Variants in JMJD7 observed in about 807,000 individuals in gnomAD.
The protein encoded by JMJD7 is jumonji domain containing 7.
In JMJD7, 41 loss-of-function variants were observed where a neutral mutation model predicts 41.1. The ratio of observed to expected loss-of-function variants is 1.00; its 90% CI spans 0.78 to 1.30. JMJD7 has a LOEUF of 1.30. Among genes scored for constraint, JMJD7 ranks in the 50% most tolerant of loss-of-function variants. The probability of loss-of-function intolerance (pLI) is 0.00; values close to 1 mark genes in which losing one functional copy is unlikely to be tolerated. For missense variants in JMJD7, 480 were observed against 420.7 expected, an observed-to-expected ratio of 1.14 and a Z score of -1.23; for synonymous variants, 202 against 177.2, an observed-to-expected ratio of 1.14 and a Z score of -1.11.
At chr15:41,832,458 C>T (rs536638764) in intron 1 of JMJD7, 121 of 154,350 alleles carry the variant, frequency 7.8e-4, no homozygotes, top group Middle Eastern at 3.2e-3. Context: ...GTCTCTTAAT[C>T]TCAGCGAGTA....
Position 41,836,812 on chromosome 15 carries a change from C to G in JMJD7, c.734C>G (p.Pro245Arg). The G allele has an allele frequency of 1.2e-6, 2 of 1,611,850 alleles. No individual in the cohort carries two copies. The highest frequency in any genetic ancestry group is 1.7e-6 in the Non-Finnish European group (2 of 1,179,272). The change falls in exon 7 of 8, where the codon CCA (proline) becomes CGA (arginine). Residue 245 changes from proline to arginine, a missense_variant. Transcript: ENST00000397299. ...VPWIPLDPLAPDLARYPSYSQ... is the reference protein window; with the variant it reads ...VPWIPLDPLARDLARYPSYSQ... Reference sequence around the variant, plus strand: ...TGGATCCCACTGGACCCCTTGGCGCCAGACCTAGCACGGTACCCTAGTTAC... The same window carrying G: ...TGGATCCCACTGGACCCCTTGGCGCGAGACCTAGCACGGTACCCTAGTTAC...
At position 41,835,065 on chromosome 15, in the gene JMJD7, G is replaced by A. The variant is rs768058716; in HGVS notation, c.314G>A (p.Arg105His). ...GATCGCTTCATGATGCCAGCTGAGC[G>A]CCGCCTGCCCCTGAGCTTCGTGCTG... ...RGDRFMMPAE[R>H]RLPLSFVLDV... The change falls in exon 3 of 8, where the codon CGC (arginine) becomes CAC (histidine). Residue 105 changes from arginine to histidine, a missense_variant. Transcript: ENST00000397299. 14 of 1,613,644 alleles carry A rather than the reference G, an allele frequency of 8.7e-6. No individual in the cohort carries two copies. The highest frequency in any genetic ancestry group is 1.6e-4 in the Middle Eastern group (1 of 6,084).
intron 1 of JMJD7, among the ~76,000 whole-genome samples, chr15:41,830,121 C>T (rs1172694881): frequency 1.3e-5 from 2 of 152,164 alleles, no homozygotes; most frequent in Non-Finnish European, 2.9e-5. Flanking sequence ...TGCACCACCC[C>T]CACCCTCACA....
intron 3 of JMJD7, 77 bp downstream of exon 3, chr15:41,835,300 G>A: frequency 4.6e-6 from 7 of 1,521,896 alleles, no homozygotes; most frequent in Non-Finnish European, 6.1e-6. Context: ...TTTGCCCTTA[G>A]GTGATGACCT....
chr15:41,831,892 A>G (rs1214338977), intron 1 of JMJD7, among the ~76,000 whole-genome samples: 2 of 152,194 alleles, frequency 1.3e-5, no homozygotes, highest in Non-Finnish European at 2.9e-5. Context: ...GGACTGAACC[A>G]TGCGTCTTGC....
intron 1 of JMJD7, among the ~76,000 whole-genome samples, chr15:41,831,004 G>A (rs140557559): frequency 8.0e-4 from 122 of 152,346 alleles, no homozygotes; most frequent in African/African-American, 2.8e-3. Context: ...GGTGAAGCCC[G>A]ACCTTCAAGC....
At position 41,837,097 on chromosome 15, in the gene JMJD7, C is replaced by G; in HGVS notation, c.892C>G (p.Leu298Val). Residue 298 changes from leucine (L) to valine (V), a missense_variant, in exon 8 of 8, where the codon CTC becomes GTC. Coordinates refer to ENST00000397299, the MANE Select transcript of JMJD7 (RefSeq NM_001114632.2). The stretch of plus-strand genomic sequence containing the variant: ...TTTCTGGTATGACATGGAATACGAC[C>G]TCAAGTATAGTTACTTCCAGCTGCT... The part of the protein sequence containing the change: ...VNFWYDMEYD[L>V]KYSYFQLLDS... The G allele has an allele frequency of 3.1e-6, 5 of 1,613,690 alleles. No homozygotes were observed. Among genetic ancestry groups the G allele is most frequent in the Non-Finnish European group, 4.2e-6 (5 of 1,179,674 alleles).
At position 41,837,188 on chromosome 15, in the gene JMJD7, TCG is replaced by T; in HGVS notation, c.*33_*34del. The T allele has an allele frequency of 6.7e-7, 1 of 1,500,674 alleles. No individual in the cohort carries two copies. Among genetic ancestry groups the T allele is most frequent in the East Asian group, 2.3e-5 (1 of 43,390 alleles). The allele number at this position is 1,500,674 out of a possible 1,614,324, so 93.0% of individuals were successfully genotyped here. A position where few individuals can be genotyped will look rare whatever the true frequency, so the allele number is the denominator to read the frequency against. On this transcript the variant is annotated 3_prime_UTR_variant, in exon 8 of 8. Coordinates refer to ENST00000397299, the MANE Select transcript of JMJD7 (RefSeq NM_001114632.2). The stretch of plus-strand genomic sequence containing the variant: ...ACTGGTGAACACCACCAAGCACGCC[TCG>T]GGGGACGGAGCCAGCCCCTCCCTGG...
chr15:41,835,905 A>G (rs1270294690), intron 4 of JMJD7: 1 of 563,228 alleles, frequency 1.8e-6, no homozygotes, highest in Non-Finnish European at 3.0e-6. Context: ...GCCAGGGGGT[A>G]AGTGTAGGAG....
chr15:41,834,190 C>T lies in JMJD7; in HGVS notation c.65-550C>T, dbSNP rs113175931. 4.7e-3 allele frequency among the ~76,000 whole-genome samples: 709 copies of T among 152,274 alleles called. 8 individuals carry two copies. Among genetic ancestry groups the T allele is most frequent in the African/African-American group, 0.016 (671 of 41,550 alleles). ...GGTGTCATCTGGTAGTTTGTCTTCC[C>T]GGGTAAGAAGGTTGTAAATTTCTTA... On this transcript the variant is annotated intron_variant, in intron 1 of 7. Transcript: ENST00000397299.
chr15:41,836,503 A>G lies in JMJD7; in HGVS notation c.654A>G (p.Leu218=). Reference sequence around the variant, plus strand: ...TGTACACGCCGGCAACCTACCAGCTAACTGAAGAGGGCACCTTTAAGGTGG... The same window carrying G: ...TGTACACGCCGGCAACCTACCAGCTGACTGAAGAGGGCACCTTTAAGGTGG... ...YELYTPATYQ[L]TEEGTFKVVD... The change falls in exon 6 of 8, where the codon CTA becomes CTG. Residue 218 remains leucine, a synonymous_variant. Coordinates refer to ENST00000397299, the MANE Select transcript of JMJD7 (RefSeq NM_001114632.2). 6.3e-7 allele frequency: 1 copy of G among 1,592,760 alleles called. No homozygotes were observed. Among genetic ancestry groups the G allele is most frequent in the Non-Finnish European group, 8.6e-7 (1 of 1,169,208 alleles).
intron 3 of JMJD7, 84 bp from the exon 4 acceptor site, chr15:41,835,504 C>G (rs1454302530): frequency 1.3e-6 from 2 of 1,549,518 alleles, no homozygotes. Flanking sequence ...TCTGTGCTCA[C>G]CCAGGTTTTG....
At position 41,837,148 on chromosome 15, in the gene JMJD7, C is replaced by G. The variant is rs781718691; in HGVS notation, c.943C>G (p.Leu315Val). Residue 315 changes from leucine (L) to valine (V), a missense_variant, in exon 8 of 8, where the codon CTT (leucine) becomes GTT (valine). By Grantham distance (32) the Leu-to-Val change is conservative. Transcript: ENST00000397299. The part of the protein sequence containing the change: ...LLDSLTKASG[L>V]D ...CGACTCCCTCACCAAGGCTTCAGGC[C>G]TTGACTGATGGAGCACTGGTGAACA... is the stretch of plus-strand genomic sequence containing the variant. 6.2e-7 allele frequency: 1 copy of G among 1,609,992 alleles called. No homozygotes were observed. The highest frequency in any genetic ancestry group is 2.2e-5 in the East Asian group (1 of 44,800).
At position 41,836,156 on chromosome 15, in the gene JMJD7, GACC is replaced by G; in HGVS notation, c.541_543del (p.His181del). The G allele has an allele frequency of 1.2e-6, 2 of 1,603,008 alleles. No homozygotes were observed. The highest frequency in any genetic ancestry group is 1.7e-6 in the Non-Finnish European group (2 of 1,174,346). ...CTTCTTTCTGTTGGCAGTGCACAAGGACCACTATGAGAACCTCTACTGCGTGGT... is the reference window on the plus strand; with the variant it reads ...CTTCTTTCTGTTGGCAGTGCACAAGGACTATGAGAACCTCTACTGCGTGGT... On this transcript the variant is annotated inframe_deletion, in exon 5 of 8. Coordinates refer to ENST00000397299, the MANE Select transcript of JMJD7 (RefSeq NM_001114632.2).
chr15:41,836,746 G>T (rs767760496), intron 6 of JMJD7, 35 bp from the exon 7 acceptor site: 4 of 1,569,304 alleles, frequency 2.5e-6, no homozygotes, highest in South Asian at 1.2e-5. Context: ...TGGGGGGTCT[G>T]GGGGGCTGCT....
intron 3 of JMJD7, 123 bp from the exon 4 acceptor site, chr15:41,835,465 C>T: frequency 6.9e-7 from 1 of 1,438,960 alleles, no homozygotes; most frequent in Non-Finnish European, 9.4e-7. Flanking sequence ...ACCTCTGCCT[C>T]TTCTCCCTGA....
intron 5 of JMJD7, 115 bp from the exon 6 acceptor site, chr15:41,836,360 T>C (rs953913837): frequency 1.9e-6 from 3 of 1,553,380 alleles, no homozygotes; most frequent in South Asian, 2.3e-5. Flanking sequence ...GCATCCCCAG[T>C]GCACCAGGGC....
chr15:41,831,282 A>G (rs1477790405), intron 1 of JMJD7, among the ~76,000 whole-genome samples: 1 of 152,134 alleles, frequency 6.6e-6, no homozygotes, highest in Non-Finnish European at 1.5e-5. Flanking sequence ...CTAGCCAGGG[A>G]AGCAAGCAGG....
At chr15:41,833,302 G>GCATCAGTGAACAGA (rs2065254960) in intron 1 of JMJD7, among the ~76,000 whole-genome samples, 1 of 150,058 alleles carries the variant, frequency 6.7e-6, no homozygotes, top group South Asian at 2.1e-4. Flanking sequence ...TCCCAGGGGT[G>GCATCAGTGAACAGA]CATCAGTGAA....
Sources: allele counts gnomAD v4.1 joint callset (sites outside exome capture counted in the v4.1 genomes callset), GRCh38; gene constraint gnomAD v4.1.1; transcripts MANE v1.5; gene names NCBI Gene and HGNC (gene_info 2026-07-23, HGNC 2026-07-21).